Variants in USH2A observed in about 807,000 individuals in gnomAD.
USH2A encodes usherin, also known as Usher syndrome 2A (autosomal recessive, mild).
A neutral mutation model predicts 538.9 loss-of-function variants in USH2A; 443 were observed. That is an observed-to-expected ratio of 0.82 (90% CI 0.76 to 0.89). The LOEUF is 0.89. Ranked by LOEUF, USH2A falls within the 40% of genes least tolerant of loss-of-function variation. The pLI is 0.00. For synonymous variants in USH2A, 2,413 were observed against 2,273.5 expected (o/e 1.06, Z -1.75); for missense variants, 6,633 against 6,324.8 (o/e 1.05, Z -1.65).
intron 30 of USH2A, among the ~76,000 whole-genome samples, chr1:216,066,915 A>T (rs1220964859): frequency 1.3e-5 from 2 of 152,254 alleles, no homozygotes; most frequent in African/African-American, 4.8e-5. Flanking sequence ...TCAAAGTTCA[A>T]GACTATACAA....
At chr1:215,750,403 CA>C (rs1190843431) in intron 58 of USH2A, among the ~76,000 whole-genome samples, 2 of 152,132 alleles carry the variant, frequency 1.3e-5, no homozygotes, top group African/African-American at 2.4e-5. Flanking sequence ...GGGTGTCCAG[CA>C]TCATGTTTTG....
intron 60 of USH2A, among the ~76,000 whole-genome samples, chr1:215,733,138 A>G (rs1054256686): frequency 6.9e-6 from 1 of 144,448 alleles, no homozygotes; most frequent in Non-Finnish European, 1.5e-5. Context: ...ACTATGATGG[A>G]AGGTGAAGAA....
At chr1:216,184,402 A>G (rs1399589638) in intron 20 of USH2A, among the ~76,000 whole-genome samples, 2 of 152,024 alleles carry the variant, frequency 1.3e-5, no homozygotes, top group Non-Finnish European at 2.9e-5. Flanking sequence ...ATGGAATTAA[A>G]TTCAAAGAAG....
At chr1:216,090,315 C>T (rs1404780624) in intron 22 of USH2A, among the ~76,000 whole-genome samples, 1 of 151,044 alleles carries the variant, frequency 6.6e-6, no homozygotes, top group Non-Finnish European at 1.5e-5. Flanking sequence ...GTTTATCTTT[C>T]TCTGAAATGG....
At position 216,422,498 on chromosome 1, in the gene USH2A, C is replaced by A. The variant is rs1447400177; in HGVS notation, c.-162G>T. The A allele has an allele frequency of 5.0e-6, 5 of 1,008,524 alleles. No individual in the cohort carries two copies. Among genetic ancestry groups the A allele is most frequent in the Non-Finnish European group, 7.2e-6 (5 of 694,186 alleles). 62.5% of individuals were successfully genotyped at this position (1,008,524 alleles called of 1,614,324 possible). ...CGTTCTCAGAGTAAGGTAATACCAA[C>A]GACGTTCTTAGCAATGGCGAAGACA... On this transcript the variant is annotated 5_prime_UTR_variant, in exon 2 of 72. Coordinates refer to ENST00000307340, the MANE Select transcript of USH2A (RefSeq NM_206933.4).
chr1:216,054,307 CTTTCCT>C (rs1034769207), intron 30 of USH2A, among the ~76,000 whole-genome samples: 2 of 152,188 alleles, frequency 1.3e-5, no homozygotes, highest in Non-Finnish European at 2.9e-5. Flanking sequence ...CCAACACTCT[CTTTCCT>C]TTGCTGTAAC....
chr1:216,153,512 A>G (rs2033881052), intron 21 of USH2A, among the ~76,000 whole-genome samples: 1 of 152,254 alleles, frequency 6.6e-6, no homozygotes, highest in Non-Finnish European at 1.5e-5. Flanking sequence ...CCTATGATCC[A>G]ACAGAGATCC....
At chr1:216,198,720 C>T in intron 17 of USH2A, 136 bp from the exon 18 acceptor site, 1 of 852,872 alleles carries the variant, frequency 1.2e-6, no homozygotes. Flanking sequence ...ATTTCTTTAG[C>T]ATTCAAAATG....
chr1:216,004,243 G>C (rs1668339489), intron 32 of USH2A, among the ~76,000 whole-genome samples: 1 of 152,080 alleles, frequency 6.6e-6, no homozygotes, highest in African/African-American at 2.4e-5. Flanking sequence ...TATATAATTT[G>C]GTAAGTCATC....
intron 61 of USH2A, among the ~76,000 whole-genome samples, chr1:215,712,248 A>G (rs192765735): frequency 7.9e-5 from 12 of 152,352 alleles, no homozygotes; most frequent in Admixed American, 7.2e-4. Flanking sequence ...TTAGATTCTT[A>G]TAAATCAGAT....
chr1:216,040,919 G>T (rs2030247805), intron 32 of USH2A, among the ~76,000 whole-genome samples: 1 of 151,836 alleles, frequency 6.6e-6, no homozygotes, highest in African/African-American at 2.4e-5. Context: ...AAAACTGGGA[G>T]AAAAATTAAT....
intron 11 of USH2A, among the ~76,000 whole-genome samples, chr1:216,281,026 C>T (rs2036764369): frequency 6.6e-6 from 1 of 152,108 alleles, no homozygotes; most frequent in African/African-American, 2.4e-5. Context: ...TTCTGTTATC[C>T]TATTGACAAT....
At chr1:215,811,981 GTTT>G (rs753767378) in intron 49 of USH2A, among the ~76,000 whole-genome samples, 1 of 78,782 alleles carries the variant, frequency 1.3e-5, no homozygotes, top group Non-Finnish European at 2.3e-5. Context: ...AACCCCTAGG[GTTT>G]TTTTTTTTTT....
At chr1:215,916,598 C>T (rs577819168) in intron 38 of USH2A, among the ~76,000 whole-genome samples, 60 of 152,152 alleles carry the variant, frequency 3.9e-4, no homozygotes, top group Middle Eastern at 3.4e-3. Context: ...GCAGATTTCA[C>T]CTAGGTCCAG....
chr1:215,750,046 A>C (rs1023186898), intron 58 of USH2A, among the ~76,000 whole-genome samples: 1 of 152,214 alleles, frequency 6.6e-6, no homozygotes, highest in Non-Finnish European at 1.5e-5. Context: ...AAGTCAATCA[A>C]TAATCCTTTT....
rs1351363475 is a variant in USH2A at position 215,878,884 on chromosome 1, T to C, written c.8438A>G (p.Tyr2813Cys). The stretch of plus-strand genomic sequence containing the variant: ...AGGTACGGTGGGGTGAGTGGTAACA[T>C]AGGTAGGTAAACTCTCTGTGCACCC... The part of the protein sequence containing the change: ...LGGCTESLPT[Y>C]VTTHPTVPQN... The change falls in exon 42 of 72, where the codon TAT (tyrosine) becomes TGT (cysteine). Residue 2813 changes from tyrosine (Y) to cysteine (C), a missense_variant. Coordinates refer to ENST00000307340, the MANE Select transcript of USH2A (RefSeq NM_206933.4). The C allele has an allele frequency of 1.2e-6, 2 of 1,613,938 alleles. No individual in the cohort carries two copies. Among genetic ancestry groups the C allele is most frequent in the South Asian group, 2.2e-5 (2 of 91,082 alleles).
intron 55 of USH2A, among the ~76,000 whole-genome samples, chr1:215,773,524 C>CTCTCTCTCTCTCTGTCTT (rs1558091711): frequency 2.3e-4 from 34 of 148,952 alleles, no homozygotes; most frequent in African/African-American, 8.4e-4. Context: ...CTCTCTCTCT[C>CTCTCTCTCTCTCTGTCTT]TCTCTCTCTG....
At chr1:215,737,141 G>A (rs920135069) in intron 60 of USH2A, among the ~76,000 whole-genome samples, 10 of 151,854 alleles carry the variant, frequency 6.6e-5, no homozygotes, top group Non-Finnish European at 1.5e-4. Context: ...AAAGAAATTA[G>A]GTGTGTATAT....
chr1:215,877,705 A>C, intron 43 of USH2A, 53 bp downstream of exon 43: 6 of 1,611,132 alleles, frequency 3.7e-6, no homozygotes, highest in Non-Finnish European at 5.1e-6. Flanking sequence ...GAACTATTCA[A>C]CATGCCCAGA....
Sources: gnomAD v4.1 joint callset for allele counts (sites outside exome capture counted in the v4.1 genomes callset) on GRCh38, gnomAD v4.1.1 for gene constraint, MANE v1.5 for transcripts, NCBI Gene and HGNC (gene_info 2026-07-23, HGNC 2026-07-21) for gene names.